Variants in GPHN observed in about 807,000 individuals in gnomAD.
GPHN encodes the protein gephyrin.
Under a neutral mutation model 95.5 loss-of-function variants are expected in GPHN, and 17 were observed. That is an observed-to-expected ratio of 0.18 (90% CI 0.12 to 0.27). The LOEUF is 0.27. Among genes scored for constraint, GPHN ranks in the 10% least tolerant of loss-of-function variants. The pLI is 1.00. For missense variants in GPHN, 660 were observed against 978.1 expected, an observed-to-expected ratio of 0.67 and a Z score of 4.34; for synonymous variants, 320 against 322.5, an observed-to-expected ratio of 0.99 and a Z score of 0.08.
intron 8 of GPHN, among the ~76,000 whole-genome samples, chr14:66,961,761 G>A (rs1406393688): frequency 6.6e-6 from 1 of 150,868 alleles, no homozygotes; most frequent in East Asian, 1.9e-4. Flanking sequence ...TACCAACAAT[G>A]CTGGGTGGAA....
intron 1 of GPHN, among the ~76,000 whole-genome samples, chr14:66,614,153 G>A (rs909153481): frequency 6.6e-6 from 1 of 152,128 alleles, no homozygotes; most frequent in Middle Eastern, 3.4e-3. Context: ...CAAATTTTGA[G>A]GCCGTAGATA....
intron 2 of GPHN, among the ~76,000 whole-genome samples, chr14:66,754,722 T>C (rs753165064): frequency 1.3e-5 from 2 of 152,032 alleles, no homozygotes; most frequent in Non-Finnish European, 2.9e-5. Context: ...GAAATTACAC[T>C]AATTTTTCCT....
At chr14:67,593,648 C>G in the GPHN span, 1 of 695,126 alleles carries the variant, frequency 1.4e-6, no homozygotes, top group Admixed American at 2.4e-5. Flanking sequence ...AAATATAAGT[C>G]TCACTTTTAC....
chr14:67,399,964 C>G, the GPHN span, among the ~76,000 whole-genome samples: 1 of 152,220 alleles, frequency 6.6e-6, no homozygotes, highest in Admixed American at 6.5e-5. Context: ...AACAGAGGTG[C>G]TTTACCTGAA....
intron 3 of GPHN, among the ~76,000 whole-genome samples, chr14:66,777,139 A>G (rs1351816504): frequency 6.6e-6 from 1 of 152,110 alleles, no homozygotes; most frequent in African/African-American, 2.4e-5. Flanking sequence ...GATAAAGGGG[A>G]TATCACCACC....
the GPHN span, among the ~76,000 whole-genome samples, chr14:67,306,055 C>T: frequency 6.6e-6 from 1 of 152,154 alleles, no homozygotes; most frequent in Admixed American, 6.5e-5. Flanking sequence ...CTGCAACCTC[C>T]GCCTCCCAGA....
chr14:67,214,479 C>T, the GPHN span, among the ~76,000 whole-genome samples: 4 of 152,076 alleles, frequency 2.6e-5, no homozygotes, highest in Non-Finnish European at 4.4e-5. Flanking sequence ...TAGTTGTAGA[C>T]GTGCGGCGTT....
At chr14:67,734,205 A>ATAG in the GPHN span, 1 of 289,564 alleles carries the variant, frequency 3.5e-6, no homozygotes, top group Non-Finnish European at 6.9e-6. Flanking sequence ...AGGCAAGAAG[A>ATAG]GCACCATCAC....
chr14:67,622,518 C>G, the GPHN span, among the ~76,000 whole-genome samples: 13 of 152,170 alleles, frequency 8.5e-5, no homozygotes, highest in Non-Finnish European at 1.9e-4. Context: ...TTTAATAACT[C>G]TCCAAGTTCA....
the GPHN span, chr14:67,199,430 G>A: frequency 1.2e-6 from 2 of 1,613,260 alleles, no homozygotes; most frequent in East Asian, 2.2e-5. Context: ...CAGCGCCTTT[G>A]GGGTCATCTT....
chr14:66,657,846 A>G (rs1425275067), intron 1 of GPHN, among the ~76,000 whole-genome samples: 2 of 152,218 alleles, frequency 1.3e-5, no homozygotes, highest in Non-Finnish European at 2.9e-5. Flanking sequence ...TGTTGTTTTC[A>G]TGGCTGCTAA....
intron 9 of GPHN, among the ~76,000 whole-genome samples, chr14:67,013,709 T>C (rs1032664728): frequency 3.9e-5 from 6 of 151,970 alleles, no homozygotes; most frequent in Non-Finnish European, 7.4e-5. Flanking sequence ...TCACAACTTT[T>C]TCAATCAATC....
the GPHN span, among the ~76,000 whole-genome samples, chr14:67,346,779 T>C: frequency 2.0e-5 from 3 of 152,232 alleles, no homozygotes; most frequent in Non-Finnish European, 2.9e-5. Context: ...AAGATCTTAT[T>C]TGACTTTAAA....
the GPHN span, among the ~76,000 whole-genome samples, chr14:67,410,478 A>G: frequency 1.3e-5 from 2 of 152,168 alleles, no homozygotes; most frequent in South Asian, 2.1e-4. Flanking sequence ...ACATGCTGCG[A>G]GAAACCGGCC....
At chr14:67,197,533 T>C in the GPHN span, among the ~76,000 whole-genome samples, 3 of 152,156 alleles carry the variant, frequency 2.0e-5, no homozygotes, top group East Asian at 5.8e-4. Context: ...GCTGCCTATA[T>C]CAGTGGTCCC....
chr14:67,409,146 G>T, the GPHN span, among the ~76,000 whole-genome samples: 2 of 152,156 alleles, frequency 1.3e-5, no homozygotes, highest in African/African-American at 4.8e-5. Flanking sequence ...GGGAGGCTGA[G>T]GCAGGAGGAT....
the GPHN span, among the ~76,000 whole-genome samples, chr14:67,420,536 T>C: frequency 2.0e-5 from 3 of 152,176 alleles, no homozygotes; most frequent in Non-Finnish European, 4.4e-5. Flanking sequence ...AATCAGAAAT[T>C]CCCGAGACCG....
At chr14:66,623,743 A>G (rs2063408374) in intron 1 of GPHN, among the ~76,000 whole-genome samples, 1 of 152,042 alleles carries the variant, frequency 6.6e-6, no homozygotes, top group Non-Finnish European at 1.5e-5. Context: ...GAGAAAACTA[A>G]GTGCCCTGGA....
At chr14:67,197,481 T>G in the GPHN span, 2 of 152,336 alleles carry the variant, frequency 1.3e-5, no homozygotes, top group South Asian at 4.1e-4. Flanking sequence ...CCAAGATTTA[T>G]TTTCTTCTTT....
Sources: gnomAD v4.1 joint callset for allele counts (sites outside exome capture counted in the v4.1 genomes callset) on GRCh38, gnomAD v4.1.1 for gene constraint, MANE v1.5 for transcripts, NCBI Gene and HGNC (gene_info 2026-07-23, HGNC 2026-07-21) for gene names.